Variants in CDCA2 observed in about 807,000 individuals in gnomAD.
The protein encoded by CDCA2 is cell division cycle-associated protein 2.
Under a neutral mutation model 67.0 loss-of-function variants are expected in CDCA2, and 44 were observed. The observed-to-expected ratio is 0.66, with a 90% CI of 0.52 to 0.84. The LOEUF (loss-of-function observed/expected upper bound fraction) is 0.84, where lower values mean the gene tolerates loss of function less well. Among genes scored for constraint, CDCA2 ranks in the 40% least tolerant of loss-of-function variants. The pLI is 0.00. For synonymous variants in CDCA2, 447 were observed against 418.7 expected (o/e 1.07, Z -0.82); for missense variants, 1,253 against 1,203.2 (o/e 1.04, Z -0.61).
In CDCA2 at chr8:25,460,562, A is replaced by C. The variant is rs772544256; in HGVS notation, c.232+8A>C. On this transcript the variant is annotated splice_region_variant and intron_variant, in intron 3 of 14. Transcript: ENST00000330560. ...TTGTTAGGAACTCTGCAGGTAAGAAAAGTTGTCATTCTGTTGTAATGCTTT... is the reference window on the plus strand; with the variant it reads ...TTGTTAGGAACTCTGCAGGTAAGAACAGTTGTCATTCTGTTGTAATGCTTT... The C allele has an allele frequency of 2.5e-6, 4 of 1,606,792 alleles. No individual in the cohort carries two copies. The South Asian group carries it at 4.5e-5, about 18-fold the overall frequency.
In CDCA2 at chr8:25,460,232, C is replaced by T; in HGVS notation, c.1-8C>T. 1 of 1,613,898 alleles carries T rather than the reference C, an allele frequency of 6.2e-7. No individual in the cohort carries two copies. Among genetic ancestry groups the T allele is most frequent in the South Asian group, 1.1e-5 (1 of 91,072 alleles). ...GGTTATTTTTCATTGTTTTTCTTCA[C>T]CTCTTAGATGGATGCCAATTCAAAA... On this transcript the variant is annotated splice_region_variant and splice_polypyrimidine_tract_variant and intron_variant, in intron 1 of 14. Coordinates refer to ENST00000330560, the MANE Select transcript of CDCA2 (RefSeq NM_152562.4).
At chr8:25,477,348 T>A (rs373815256) in intron 7 of CDCA2, among the ~76,000 whole-genome samples, 3 of 152,208 alleles carry the variant, frequency 2.0e-5, no homozygotes, top group Non-Finnish European at 2.9e-5. Context: ...TCTTCTTTCA[T>A]CCTGACCTTC....
intron 3 of CDCA2, among the ~76,000 whole-genome samples, chr8:25,461,292 CACAA>C (rs1403645097): frequency 1.1e-4 from 10 of 95,102 alleles, no homozygotes; most frequent in Non-Finnish European, 1.8e-4. Context: ...AAAAAAAAAA[CACAA>C]ACAGAAGATT....
Position 25,498,459 on chromosome 8 carries a change from C to CA in CDCA2, c.1672-4914_1672-4913insA, listed in dbSNP as rs1355089305. On this transcript the variant is annotated intron_variant, in intron 13 of 14. Coordinates refer to ENST00000330560, the MANE Select transcript of CDCA2 (RefSeq NM_152562.4). Reference sequence around the variant, plus strand: ...CTGTCCTCAGGTAATCTGCACCCCCCCCCCGCCCCCCAGGCCTCCCAAAGT... The same window carrying CA: ...CTGTCCTCAGGTAATCTGCACCCCCCACCCCGCCCCCCAGGCCTCCCAAAGT... Among the ~76,000 whole-genome samples the CA allele has an allele frequency of 2.0e-4, 24 of 120,704 alleles. 1 individual carries two copies. The highest frequency in any genetic ancestry group is 6.3e-4 in the African/African-American group (22 of 35,198). 79.2% of individuals were successfully genotyped at this position (120,704 alleles called of 152,430 possible).
chr8:25,460,000 C>T (rs1295161307), intron 1 of CDCA2, among the ~76,000 whole-genome samples: 12 of 152,068 alleles, frequency 7.9e-5, no homozygotes, highest in Non-Finnish European at 1.2e-4. Flanking sequence ...ATAATGGCTA[C>T]CTCATTTACT....
intron 7 of CDCA2, among the ~76,000 whole-genome samples, chr8:25,475,245 G>C (rs1029009807): frequency 1.3e-5 from 2 of 152,342 alleles, no homozygotes; most frequent in Middle Eastern, 3.4e-3. Context: ...TTTGGGCTGG[G>C]TGTAGTGGCT....
chr8:25,486,565 G>A (rs147451361), intron 11 of CDCA2, among the ~76,000 whole-genome samples: 166 of 152,010 alleles, frequency 1.1e-3, no homozygotes, highest in Middle Eastern at 3.4e-3. Flanking sequence ...TACTTTGGGA[G>A]GCTAAGGCAG....
chr8:25,460,651 A>G (rs1380005377), intron 3 of CDCA2, 97 bp downstream of exon 3: 14 of 1,305,396 alleles, frequency 1.1e-5, no homozygotes, highest in Non-Finnish European at 1.4e-5. Context: ...GTCATATTTT[A>G]GGTACCTAAA....
chr8:25,461,518 T>C (rs367987247), intron 3 of CDCA2, among the ~76,000 whole-genome samples: 3 of 152,282 alleles, frequency 2.0e-5, no homozygotes, highest in African/African-American at 7.2e-5. Flanking sequence ...TAACTTTCAT[T>C]CTCAAAAACA....
intron 7 of CDCA2, among the ~76,000 whole-genome samples, chr8:25,474,017 A>G (rs1020067637): frequency 7.2e-5 from 11 of 152,242 alleles, no homozygotes; most frequent in Non-Finnish European, 1.5e-4. Context: ...GAATAATTTC[A>G]CAATGATCTG....
intron 13 of CDCA2, among the ~76,000 whole-genome samples, chr8:25,500,268 TC>T (rs60163402): frequency 0.17 from 24,300 of 143,462 alleles, 2,414 homozygotes; most frequent in East Asian, 0.23. Context: ...TTTTTTTTTT[TC>T]CCCATATATC....
chr8:25,483,844 T>C (rs1344730561), intron 9 of CDCA2, 122 bp from the exon 10 acceptor site: 3 of 858,830 alleles, frequency 3.5e-6, no homozygotes, highest in African/African-American at 3.4e-5. Flanking sequence ...ATAGCTTTGC[T>C]TTACTAGCTA....
chr8:25,469,897 T>G lies in CDCA2; in HGVS notation c.737T>G (p.Ile246Arg), dbSNP rs1803081510. The G allele has an allele frequency of 6.2e-7, 1 of 1,603,320 alleles. No homozygotes were observed. Among genetic ancestry groups the G allele is most frequent in the Non-Finnish European group, 8.5e-7 (1 of 1,172,006 alleles). ...AVETSVDLSE[I>R]SSKLGSTQSG... ...ATACTCTTTCAATTTTTCCCCAAGA[T>G]ATCATCTAAACTTGGTTCAACACAG... The change falls in exon 7 of 15, where the codon ATA (isoleucine) becomes AGA (arginine). Residue 246 changes from isoleucine (I) to arginine (R), a missense_variant and splice_region_variant. Coordinates refer to ENST00000330560, the MANE Select transcript of CDCA2 (RefSeq NM_152562.4).
At chr8:25,478,081 C>T (rs1803420030) in intron 7 of CDCA2, among the ~76,000 whole-genome samples, 1 of 151,786 alleles carries the variant, frequency 6.6e-6, no homozygotes, top group Non-Finnish European at 1.5e-5. Context: ...TGCTCACTAC[C>T]ATGCCCAGCT....
chr8:25,467,360 C>T (rs1802956903), intron 5 of CDCA2, among the ~76,000 whole-genome samples: 1 of 152,224 alleles, frequency 6.6e-6, no homozygotes, highest in African/African-American at 2.4e-5. Flanking sequence ...AAGTCCCCCT[C>T]ATCTACCTCT....
At chr8:25,471,443 A>G (rs1052276681) in intron 7 of CDCA2, among the ~76,000 whole-genome samples, 49 of 152,038 alleles carry the variant, frequency 3.2e-4, no homozygotes, top group Admixed American at 2.4e-3. Context: ...GCTTACTGCA[A>G]CCTCTGCCTC....
At chr8:25,476,591 C>T (rs904778475) in intron 7 of CDCA2, among the ~76,000 whole-genome samples, 3 of 151,484 alleles carry the variant, frequency 2.0e-5, no homozygotes, top group Admixed American at 6.6e-5. Context: ...CTCACTCTGC[C>T]GCCCAGGCTG....
chr8:25,503,535 C>T lies in CDCA2; in HGVS notation c.1834C>T (p.Leu612=), dbSNP rs1456197012. The part of the protein sequence containing the change: ...MTPSIPSIRR[L]GSGYFSSNGK... ...ACCTTCCATTCCGAGCATCCGAAGA[C>T]TGGGTTCAGGTATCCTGACATTTTC... Residue 612 remains leucine (L), a synonymous_variant, in exon 14 of 15, where the codon CTG becomes TTG. Coordinates refer to ENST00000330560, the MANE Select transcript of CDCA2 (RefSeq NM_152562.4). 6.2e-7 allele frequency: 1 copy of T among 1,607,614 alleles called. No individual in the cohort carries two copies. Among genetic ancestry groups the T allele is most frequent in the Admixed American group, 1.7e-5 (1 of 58,210 alleles).
intron 5 of CDCA2, among the ~76,000 whole-genome samples, chr8:25,467,028 TGA>T (rs1004076934): frequency 8.9e-5 from 9 of 101,334 alleles, no homozygotes; most frequent in Non-Finnish European, 1.4e-4. Context: ...GGCGAAGAAG[TGA>T]GAGTCCCTTT....
Sources: gnomAD v4.1 joint callset for allele counts (sites outside exome capture counted in the v4.1 genomes callset) on GRCh38, gnomAD v4.1.1 for gene constraint, MANE v1.5 for transcripts, NCBI Gene and HGNC (gene_info 2026-07-23, HGNC 2026-07-21) for gene names.